Variants in CDAN1 observed in about 807,000 individuals in gnomAD.
The protein encoded by CDAN1 is codanin-1.
In CDAN1, 107 loss-of-function variants were observed where a neutral mutation model predicts 139.8. The observed-to-expected ratio is 0.77, with a 90% CI of 0.65 to 0.90. CDAN1 has a LOEUF of 0.90. Ranked by LOEUF, CDAN1 falls within the 40% of genes least tolerant of loss-of-function variation. The pLI is 0.00. For missense variants in CDAN1, 1,667 were observed against 1,575.7 expected (o/e 1.06, Z -0.98); for synonymous variants, 776 against 660.6 (o/e 1.17, Z -2.68).
intron 6 of CDAN1, among the ~76,000 whole-genome samples, chr15:42,734,591 G>T (rs2061662135): frequency 6.6e-6 from 1 of 152,100 alleles, no homozygotes; most frequent in African/African-American, 2.4e-5. Flanking sequence ...CAGCTGCCAA[G>T]ACCACAGGGG....
Position 42,737,119 on chromosome 15 carries a change from T to C in CDAN1, c.-17A>G. On this transcript the variant is annotated 5_prime_UTR_variant, in exon 1 of 28. Transcript: ENST00000356231. ...GGCCGCCATCCCGGTCGGGGCGCTC[T>C]GGGGCGACTGCGCAGGCGCCGGCGC... The C allele has an allele frequency of 7.2e-7, 1 of 1,387,968 alleles. No homozygotes were observed. Among genetic ancestry groups the C allele is most frequent in the South Asian group, 1.3e-5 (1 of 74,970 alleles). 86.0% of individuals were successfully genotyped at this position (1,387,968 alleles called of 1,614,324 possible). A position where few individuals can be genotyped will look rare whatever the true frequency, so the allele number is the denominator to read the frequency against.
chr15:42,728,379 G>A (rs1271264653), intron 20 of CDAN1, 112 bp from the exon 21 acceptor site: 12 of 1,265,064 alleles, frequency 9.5e-6, no homozygotes, highest in East Asian at 7.1e-5. Context: ...CTTGGAAGGA[G>A]GCACCGTTTG....
At chr15:42,729,653 GC>G (rs747914286) in intron 16 of CDAN1, 31 bp from the exon 17 acceptor site, 1 of 1,612,610 alleles carries the variant, frequency 6.2e-7, no homozygotes, top group African/African-American at 1.3e-5. Context: ...TCAGCAGACT[GC>G]CCCTCCCCCA....
At position 42,723,736 on chromosome 15, in the gene CDAN1, T is replaced by C. The variant is rs2061488437; in HGVS notation, c.*755A>G. ...TTTGTTAGGCTTTTTCTAGAAAGTC[T>C]CGCTCTGTTACCCAGACTGGAGTGC... On this transcript the variant is annotated 3_prime_UTR_variant, in exon 28 of 28. Transcript: ENST00000356231. The C allele has an allele frequency of 1.3e-5, 2 of 152,884 alleles. No homozygotes were observed. The highest frequency in any genetic ancestry group is 4.8e-5 in the African/African-American group (2 of 41,584). The allele number at this position is 152,884 out of a possible 1,614,324, so 9.5% of individuals were successfully genotyped here. A position where few individuals can be genotyped will look rare whatever the true frequency, so the allele number is the denominator to read the frequency against.
Position 42,736,017 on chromosome 15 carries a change from G to C in CDAN1, c.631C>G (p.Pro211Ala). Residue 211 changes from proline (P) to alanine (A), a missense_variant, in exon 3 of 28, where the codon CCC becomes GCC. Around this residue, in one of 3 missense-constraint regions of CDAN1, gnomAD observed 487 missense variants for 422.2 expected, o/e 1.15. Transcript: ENST00000356231. The part of the protein sequence containing the change: ...PVSEERSLSK[P>A]KTCFTSPPIS... Reference sequence around the variant, plus strand: ...GGGGGTGAGGTGAAGCAGGTCTTGGGCTTGGAGAGTGACCGCTCTTCGCTC... The same window carrying C: ...GGGGGTGAGGTGAAGCAGGTCTTGGCCTTGGAGAGTGACCGCTCTTCGCTC... The C allele has an allele frequency of 1.9e-6, 3 of 1,614,188 alleles. No homozygotes were observed. The highest frequency in any genetic ancestry group is 2.5e-6 in the Non-Finnish European group (3 of 1,180,018).
intron 20 of CDAN1, 111 bp downstream of exon 20, chr15:42,728,540 GA>G (rs2061562930): frequency 2.0e-6 from 3 of 1,469,242 alleles, no homozygotes; most frequent in Non-Finnish European, 2.8e-6. Flanking sequence ...GCAGGGAGAA[GA>G]AAAAAGGAGG....
In CDAN1 at chr15:42,730,167, G is replaced by T; in HGVS notation, c.2223C>A (p.Asn741Lys). Reference protein sequence around the residue: ...QESEGKMCFLNKLLLLAVLGW... With the variant: ...QESEGKMCFLKKLLLLAVLGW... Reference sequence around the variant, plus strand: ...CCAGGACAGCAAGTAGCAGCAGCTTGTTCAGGAAACACATCTTCCCCTCAC... The same window carrying T: ...CCAGGACAGCAAGTAGCAGCAGCTTTTTCAGGAAACACATCTTCCCCTCAC... Residue 741 changes from asparagine to lysine, a missense_variant, in exon 15 of 28, where the codon AAC (asparagine) becomes AAA (lysine). Physicochemically the swap from Asn to Lys is moderately conservative, Grantham distance 94 (BLOSUM62 0). Around this residue, in one of 3 missense-constraint regions of CDAN1, gnomAD observed 936 missense variants for 844.1 expected, o/e 1.11. Coordinates refer to ENST00000356231, the MANE Select transcript of CDAN1 (RefSeq NM_138477.4). The T allele has an allele frequency of 6.2e-7, 1 of 1,614,222 alleles. No individual in the cohort carries two copies. The highest frequency in any genetic ancestry group is 8.5e-7 in the Non-Finnish European group (1 of 1,180,042).
Position 42,726,370 on chromosome 15 carries a change from G to C in CDAN1, c.3144C>G (p.Val1048=). Residue 1048 remains valine, a synonymous_variant, in exon 24 of 28, where the codon GTC becomes GTG. Coordinates refer to ENST00000356231, the MANE Select transcript of CDAN1 (RefSeq NM_138477.4). ...GGAGCTGTTCCAGATGCTCTGGGGA[G>C]ACTCCCTCGTCAGGGTCCCGTGGCC... ...AVGPRDPDEG[V]SPEHLEQLLG... 2 of 1,598,944 alleles carry C rather than the reference G, an allele frequency of 1.3e-6. No individual in the cohort carries two copies. Among genetic ancestry groups the C allele is most frequent in the Non-Finnish European group, 1.7e-6 (2 of 1,172,972 alleles).
At chr15:42,724,708 A>G (rs1390012170) in intron 27 of CDAN1, 92 bp from the exon 28 acceptor site, 12 of 1,479,838 alleles carry the variant, frequency 8.1e-6, no homozygotes, top group Admixed American at 4.0e-5. Flanking sequence ...CTGGCTGGCT[A>G]TATTATTTTT....
rs766218997 is a variant in CDAN1, at chr15:42,729,864, A to C, written c.2284T>G (p.Leu762Val). Reference protein sequence around the residue: ...LFQIPTVPEDLFFLEEGPSYA... With the variant: ...LFQIPTVPEDVFFLEEGPSYA... ...GAGGGACCCTCTTCCAGAAAGAACA[A>C]GTCCTCAGGGACTGTGGGAATCTGG... Residue 762 changes from leucine (L) to valine (V), a missense_variant, in exon 16 of 28, where the codon TTG (leucine) becomes GTG (valine). Coordinates refer to ENST00000356231, the MANE Select transcript of CDAN1 (RefSeq NM_138477.4). 16 of 1,613,652 alleles carry C rather than the reference A, an allele frequency of 9.9e-6. No homozygotes were observed. The South Asian group carries it at 1.8e-4, about 18-fold the overall frequency.
At chr15:42,729,464 G>A in intron 17 of CDAN1, 102 bp from the exon 18 acceptor site, 1 of 1,597,560 alleles carries the variant, frequency 6.3e-7, no homozygotes, top group African/African-American at 1.3e-5. Flanking sequence ...ACCCAGGAAT[G>A]ACTATGAACG....
chr15:42,735,002 A>C (rs1023941661), intron 6 of CDAN1, 98 bp downstream of exon 6: 5 of 810,596 alleles, frequency 6.2e-6, no homozygotes, highest in Non-Finnish European at 8.6e-6. Flanking sequence ...GTCCAGGACC[A>C]CTGCCCCTGT....
Position 42,729,053 on chromosome 15 carries a change from C to A in CDAN1, c.2615G>T (p.Arg872Ile). The A allele has an allele frequency of 6.2e-7, 1 of 1,614,232 alleles. No homozygotes were observed. Residue 872 changes from arginine to isoleucine, a missense_variant, in exon 19 of 28, where the codon AGA becomes ATA. Around this residue, in one of 3 missense-constraint regions of CDAN1, gnomAD observed 936 missense variants for 844.1 expected, o/e 1.11. Transcript: ENST00000356231. ...ATGTTTGACACAGTTTGATCCAATT[C>A]TTTCTGCCACGAACTCTACGGTCCG... ...LRRTVEFVAE[R>I]IGSNCVKHIK...
Position 42,727,695 on chromosome 15 carries a change from C to A in CDAN1, c.3022G>T (p.Gly1008Trp), listed in dbSNP as rs948707524. The A allele has an allele frequency of 2.5e-6, 4 of 1,585,546 alleles. No homozygotes were observed. Among genetic ancestry groups the A allele is most frequent in the East Asian group, 2.3e-5 (1 of 44,352 alleles). ...GCGCGGGAGCAGCCCCTCCGCTCCC[C>A]CCGGGCAGCAGGTTCAGGACCCTGG... ...RAQGPEPAAR[G>W]ERRGCSRACE... The change falls in exon 23 of 28, where the codon GGG becomes TGG. Residue 1008 changes from glycine to tryptophan, a missense_variant. This residue lies in a region of CDAN1 where 936 missense variants were observed against 844.1 expected (regional missense o/e 1.11). Coordinates refer to ENST00000356231, the MANE Select transcript of CDAN1 (RefSeq NM_138477.4).
Position 42,737,086 on chromosome 15 carries a change from T to C in CDAN1, c.17A>G (p.Glu6Gly). MAAVLESLLREEVSVA... is the reference protein window; with the variant it reads MAAVLGSLLREEVSVA... The stretch of plus-strand genomic sequence containing the variant: ...CGACACCTCTTCTCGCAGCAGCGAC[T>C]CCAAAACGGCCGCCATCCCGGTCGG... The change falls in exon 1 of 28, where the codon GAG (glutamate) becomes GGG (glycine). Residue 6 changes from glutamate (E) to glycine (G), a missense_variant. Physicochemically the swap from Glu to Gly is moderately conservative, Grantham distance 98. Transcript: ENST00000356231. The C allele has an allele frequency of 6.6e-7, 1 of 1,505,388 alleles. No individual in the cohort carries two copies. The highest frequency in any genetic ancestry group is 8.9e-7 in the Non-Finnish European group (1 of 1,123,534). The allele number at this position is 1,505,388 out of a possible 1,614,324, so 93.3% of individuals were successfully genotyped here.
rs145148854 is a variant in CDAN1, at chr15:42,728,203, C to G, written c.2868+1G>C. ...TAGCTGCAGGCCTCCCTCACACGTA[C>G]GGCTGCCGGGGTCTCCTCTGGAAGC... is the stretch of plus-strand genomic sequence containing the variant. On this transcript the variant is annotated splice_donor_variant, in intron 21 of 27. Coordinates refer to ENST00000356231, the MANE Select transcript of CDAN1 (RefSeq NM_138477.4). LOFTEE classifies it high-confidence loss of function. 4.3e-6 allele frequency: 7 copies of G among 1,613,436 alleles called. No individual in the cohort carries two copies. Among genetic ancestry groups the G allele is most frequent in the South Asian group, 1.1e-5 (1 of 91,086 alleles).
chr15:42,736,320 A>T lies in CDAN1; in HGVS notation c.551T>A (p.Val184Asp), dbSNP rs762210155. 5.0e-6 allele frequency: 8 copies of T among 1,613,626 alleles called. No individual in the cohort carries two copies. The Admixed American group carries it at 1.3e-4, about 27-fold the overall frequency. ...GTCTCACCCTGTAGGGCCGGGGGGA[A>T]CCGAGCCTACGGGAGGGAACTCCTC... ...NLEEFPPVGS[V>D]PPGPTGTKPS... The change falls in exon 2 of 28, where the codon GTT becomes GAT. Residue 184 changes from valine to aspartate, a missense_variant. Val to Asp is a radical substitution (Grantham distance 152). This residue lies in a region of CDAN1 where 487 missense variants were observed against 422.2 expected (regional missense o/e 1.15). Coordinates refer to ENST00000356231, the MANE Select transcript of CDAN1 (RefSeq NM_138477.4).
Position 42,730,196 on chromosome 15 carries a change from C to G in CDAN1, c.2194G>C (p.Glu732Gln). Residue 732 changes from glutamate (E) to glutamine (Q), a missense_variant, in exon 15 of 28, where the codon GAG becomes CAG. Glu to Gln is a conservative substitution (Grantham distance 29). Around this residue, in one of 3 missense-constraint regions of CDAN1, gnomAD observed 936 missense variants for 844.1 expected, o/e 1.11. Transcript: ENST00000356231. Reference protein sequence around the residue: ...RLHRSLVLSQESEGKMCFLNK... With the variant: ...RLHRSLVLSQQSEGKMCFLNK... Reference sequence around the variant, plus strand: ...AGGAAACACATCTTCCCCTCACTCTCCTGCGACAACACCAAGCTCCTGAAA... The same window carrying G: ...AGGAAACACATCTTCCCCTCACTCTGCTGCGACAACACCAAGCTCCTGAAA... 6.2e-7 allele frequency: 1 copy of G among 1,614,196 alleles called. No individual in the cohort carries two copies. The highest frequency in any genetic ancestry group is 8.5e-7 in the Non-Finnish European group (1 of 1,180,024).
chr15:42,735,767 C>A (rs1156962918), intron 3 of CDAN1, 88 bp from the exon 4 acceptor site: 1 of 1,584,214 alleles, frequency 6.3e-7, no homozygotes, highest in Non-Finnish European at 8.7e-7. Context: ...TACCAACAGC[C>A]CAGGAGACAA....
Sources: allele counts gnomAD v4.1 joint callset (sites outside exome capture counted in the v4.1 genomes callset), GRCh38; gene constraint gnomAD v4.1.1; regional missense constraint gnomAD v4.1.1; transcripts MANE v1.5; gene names NCBI Gene and HGNC (gene_info 2026-07-23, HGNC 2026-07-21).